Variants in AGO3 observed in about 807,000 individuals in gnomAD.
The protein encoded by AGO3 is protein argonaute-3.
Under a neutral mutation model 105.5 loss-of-function variants are expected in AGO3, and 16 were observed. That is an observed-to-expected ratio of 0.15 (90% CI 0.10 to 0.23). The LOEUF (loss-of-function observed/expected upper bound fraction) is 0.23. Ranked by LOEUF, AGO3 falls within the 10% of genes least tolerant of loss-of-function variation. The probability of loss-of-function intolerance (pLI) is 1.00; values close to 1 mark genes in which losing one functional copy is unlikely to be tolerated. For synonymous variants in AGO3, 340 were observed against 367.3 expected, an observed-to-expected ratio of 0.93 and a Z score of 0.85; for missense variants, 534 against 1,088.0, an observed-to-expected ratio of 0.49 and a Z score of 7.16.
At chr1:36,043,351 T>G in intron 16 of AGO3, 96 bp from the exon 17 acceptor site, 1 of 908,356 alleles carries the variant, frequency 1.1e-6, no homozygotes, top group South Asian at 1.6e-5. Flanking sequence ...TAGTGAAATG[T>G]AGGATCAGCC....
chr1:36,003,709 A>AAAAAAAAAAATATATAT (rs1295618675), intron 5 of AGO3, among the ~76,000 whole-genome samples: 5 of 99,432 alleles, frequency 5.0e-5, no homozygotes, highest in East Asian at 2.9e-4. Context: ...AAAAAAAAAA[A>AAAAAAAAAAATATATAT]ATATATATAT....
rs971496319 is a variant in AGO3 at position 35,950,215 on chromosome 1, G to A, written c.191+4352G>A. ...TAGCCTGGCAACAGAGTAAGACTCC[G>A]TCTCAAAAAAAAAAAAAAATTATAT... is the stretch of plus-strand genomic sequence containing the variant. On this transcript the variant is annotated intron_variant, in intron 2 of 18. Coordinates refer to ENST00000373191, the MANE Select transcript of AGO3 (RefSeq NM_024852.4). Among the ~76,000 whole-genome samples the A allele has an allele frequency of 1.3e-4, 20 of 149,342 alleles. No homozygotes were observed. In the East Asian group the frequency reaches 1.4e-3, roughly 10 times the overall value.
At chr1:35,966,896 A>G in intron 2 of AGO3, 59 bp from the exon 3 acceptor site, 2 of 1,521,482 alleles carry the variant, frequency 1.3e-6, no homozygotes, top group Non-Finnish European at 1.8e-6. Context: ...TACTTCTGTT[A>G]ATATTTTTAT....
chr1:36,043,280 G>T, intron 16 of AGO3, 167 bp from the exon 17 acceptor site: 1 of 587,624 alleles, frequency 1.7e-6, no homozygotes, highest in Non-Finnish European at 3.0e-6. Flanking sequence ...TGTAAGAATA[G>T]GAACTAGGAC....
rs1391959565 is a variant in AGO3, at chr1:36,008,020, T to G, written c.794-670T>G. On this transcript the variant is annotated intron_variant, in intron 6 of 18. Transcript: ENST00000373191. The surrounding 1 kb of genome is among the most constrained non-coding windows in gnomAD (Gnocchi z 5.1). Reference sequence around the variant, plus strand: ...TATGTGCATTTTGCTGAGAGTTTATTGCTTACATCAGATTCTCAAAGGGAT... The same window carrying G: ...TATGTGCATTTTGCTGAGAGTTTATGGCTTACATCAGATTCTCAAAGGGAT... 6.6e-6 allele frequency among the ~76,000 whole-genome samples: 1 copy of G among 152,224 alleles called. No homozygotes were observed. The highest frequency in any genetic ancestry group is 2.4e-5 in the African/African-American group (1 of 41,470).
chr1:35,999,900 T>A (rs1386414165), intron 5 of AGO3, among the ~76,000 whole-genome samples: 1 of 152,130 alleles, frequency 6.6e-6, no homozygotes, highest in African/African-American at 2.4e-5. Flanking sequence ...TAAGTTGAAT[T>A]TACCATGGAG....
intron 5 of AGO3, among the ~76,000 whole-genome samples, chr1:35,988,561 T>G (rs1183856397): frequency 6.6e-6 from 1 of 151,788 alleles, no homozygotes; most frequent in Non-Finnish European, 1.5e-5. Flanking sequence ...TTATTTTATT[T>G]AACATAATAT....
At chr1:35,982,257 A>G (rs1323289251) in intron 5 of AGO3, among the ~76,000 whole-genome samples, 2 of 152,168 alleles carry the variant, frequency 1.3e-5, no homozygotes, top group Non-Finnish European at 2.9e-5. Context: ...GTGAGACCCC[A>G]TCTCTATTAA....
chr1:36,003,712 ATATATAT>A (rs1557678534), intron 5 of AGO3, among the ~76,000 whole-genome samples: 137 of 100,892 alleles, frequency 1.4e-3, no homozygotes, highest in African/African-American at 3.6e-3. Context: ...AAAAAAAAAT[ATATATAT>A]ATATATATAT....
intron 5 of AGO3, 168 bp downstream of exon 5, chr1:35,973,679 G>C (rs749261973): frequency 1.2e-5 from 9 of 778,722 alleles, no homozygotes; most frequent in Non-Finnish European, 1.6e-5. Flanking sequence ...CATTTAGAAA[G>C]CCTGTAGAAT....
intron 6 of AGO3, among the ~76,000 whole-genome samples, chr1:36,006,734 G>GA (rs1640353018): frequency 6.6e-6 from 1 of 152,088 alleles, no homozygotes; most frequent in Non-Finnish European, 1.5e-5. Context: ...AAAGGTAGTT[G>GA]TAATGAAAAA....
chr1:36,033,856 A>G (rs542346556), intron 12 of AGO3, among the ~76,000 whole-genome samples: 9 of 152,306 alleles, frequency 5.9e-5, no homozygotes, highest in African/African-American at 1.4e-4. Flanking sequence ...AGAGAGTACT[A>G]TAAAACGATA....
Position 35,958,329 on chromosome 1 carries a change from C to T in AGO3, c.192-8626C>T, listed in dbSNP as rs190143056. ...CCAGGAGGTGGAGGTTGCAGTGAGC[C>T]GAGATCACACCACTGCACTCCAGTC... On this transcript the variant is annotated intron_variant, in intron 2 of 18. Coordinates refer to ENST00000373191, the MANE Select transcript of AGO3 (RefSeq NM_024852.4). 5.3e-5 allele frequency among the ~76,000 whole-genome samples: 8 copies of T among 150,744 alleles called. No homozygotes were observed. In the East Asian group the frequency reaches 1.4e-3, roughly 26 times the overall value.
rs1234248274 is a variant in AGO3, at chr1:36,027,711, G to A, written c.1591+413G>A. Among the ~76,000 whole-genome samples, 1 of 151,822 alleles carries A rather than the reference G, an allele frequency of 6.6e-6. No individual in the cohort carries two copies. Among genetic ancestry groups the A allele is most frequent in the African/African-American group, 2.4e-5 (1 of 41,332 alleles). ...GGAGAATGGCGTGAACCCAGGAGGTGGAGCTTGCAGTGAGCCGAGATCGCA... is the reference window on the plus strand; with the variant it reads ...GGAGAATGGCGTGAACCCAGGAGGTAGAGCTTGCAGTGAGCCGAGATCGCA... On this transcript the variant is annotated intron_variant, in intron 12 of 18. Coordinates refer to ENST00000373191, the MANE Select transcript of AGO3 (RefSeq NM_024852.4). This position sits in a 1 kb window ranked among gnomAD's most constrained non-coding sequence, Gnocchi z 4.0.
At chr1:35,971,795 G>T (rs115048465) in intron 3 of AGO3, among the ~76,000 whole-genome samples, 1 of 151,602 alleles carries the variant, frequency 6.6e-6, no homozygotes, top group African/African-American at 2.4e-5. Flanking sequence ...TTTCATAGCC[G>T]CATAGATGTT....
At chr1:36,028,391 T>TC (rs771926822) in intron 12 of AGO3, among the ~76,000 whole-genome samples, 5,051 of 56,974 alleles carry the variant, frequency 0.089, 474 homozygotes, top group East Asian at 0.51. Flanking sequence ...ATGCTATCCC[T>TC]CCCCCCCCCC....
chr1:35,979,538 T>C (rs1002699162), intron 5 of AGO3, among the ~76,000 whole-genome samples: 5 of 152,194 alleles, frequency 3.3e-5, no homozygotes, highest in Non-Finnish European at 7.3e-5. Context: ...TTATGTTGCT[T>C]ATGTCATTTA....
intron 13 of AGO3, among the ~76,000 whole-genome samples, chr1:36,035,095 G>T (rs1373566475): frequency 6.6e-6 from 1 of 152,140 alleles, no homozygotes; most frequent in Non-Finnish European, 1.5e-5. Flanking sequence ...GCCCATGTTT[G>T]TTTGACACAA....
In AGO3 at chr1:36,008,783, A is replaced by G; in HGVS notation, c.881+6A>G. On this transcript the variant is annotated splice_donor_region_variant and intron_variant, in intron 7 of 18. Coordinates refer to ENST00000373191, the MANE Select transcript of AGO3 (RefSeq NM_024852.4). This position sits in a 1 kb window ranked among gnomAD's most constrained non-coding sequence, Gnocchi z 5.1. The stretch of plus-strand genomic sequence containing the variant: ...AGGCCTGCCAGTCATCAAACGTAAG[A>G]AAAGTTTGTCAGAGCAGCGATGGTG... 1 of 1,614,126 alleles carries G rather than the reference A, an allele frequency of 6.2e-7. No individual in the cohort carries two copies. Among genetic ancestry groups the G allele is most frequent in the Non-Finnish European group, 8.5e-7 (1 of 1,180,010 alleles).
Sources: gnomAD v4.1 joint callset for allele counts (sites outside exome capture counted in the v4.1 genomes callset) on GRCh38, gnomAD v4.1.1 for gene constraint, Gnocchi (gnomAD v3.1) non-coding constraint, MANE v1.5 for transcripts, NCBI Gene and HGNC (gene_info 2026-07-23, HGNC 2026-07-21) for gene names.